The following MAP3K5 variants were observed in gnomAD, a reference collection of about 807,000 sequenced individuals.
The protein encoded by MAP3K5 is ASK-1.
MAP3K5 carries 56 observed loss-of-function variants against 158.7 expected under a neutral mutation model. That is an observed-to-expected ratio of 0.35 (90% CI 0.28 to 0.44). MAP3K5 has a LOEUF of 0.44. Ranked by LOEUF, MAP3K5 falls within the 20% of genes least tolerant of loss-of-function variation. The pLI is 1.00. For missense variants in MAP3K5, 1,294 were observed against 1,674.8 expected, an observed-to-expected ratio of 0.77 and a Z score of 3.97; for synonymous variants, 579 against 601.7, an observed-to-expected ratio of 0.96 and a Z score of 0.55.
intron 7 of MAP3K5, among the ~76,000 whole-genome samples, chr6:136,681,846 G>GA (rs1779952125): frequency 6.6e-6 from 1 of 152,202 alleles, no homozygotes. Flanking sequence ...GTGAACCTGG[G>GA]AGGCAGAGCT....
chr6:136,672,682 G>GA (rs956174093), intron 7 of MAP3K5, among the ~76,000 whole-genome samples: 2 of 151,774 alleles, frequency 1.3e-5, no homozygotes, highest in African/African-American at 4.8e-5. Flanking sequence ...ACAACCATAG[G>GA]AAAAAAGTCT....
At chr6:136,736,653 T>A (rs997543914) in intron 1 of MAP3K5, among the ~76,000 whole-genome samples, 1 of 152,098 alleles carries the variant, frequency 6.6e-6, no homozygotes, top group African/African-American at 2.4e-5. Flanking sequence ...TCCAATTGAT[T>A]AAATCTATCA....
rs141343006 is a variant in MAP3K5, at chr6:136,616,538, C to T, written c.2151-2252G>A. Among the ~76,000 whole-genome samples the T allele has an allele frequency of 2.7e-3, 417 of 152,058 alleles. 2 individuals are homozygous for T. The highest frequency in any genetic ancestry group is 9.3e-3 in the African/African-American group (385 of 41,476). ...CAGGCTAGTCTCGAACTCCTGACCA[C>T]AGATCACCTCTCCCCACCTCAGCCT... On this transcript the variant is annotated intron_variant, in intron 15 of 29. Transcript: ENST00000359015.
chr6:136,694,270 T>C lies in MAP3K5; in HGVS notation c.1123A>G (p.Met375Val), dbSNP rs1433497940. Residue 375 changes from methionine (M) to valine (V), a missense_variant, in exon 7 of 30, where the codon ATG (methionine) becomes GTG (valine). Met to Val is a conservative substitution (Grantham distance 21). This residue lies in a region of MAP3K5 where 690 missense variants were observed against 870.5 expected (regional missense o/e 0.79). Coordinates refer to ENST00000359015, the MANE Select transcript of MAP3K5 (RefSeq NM_005923.4). ...CCTTCGCTTTGCACCATGGGAATCA[T>C]AATATCAAGAGCTTTTGCTCTGTCA... The part of the protein sequence containing the change: ...PGDRAKALDI[M>V]IPMVQSEGQV... 1.2e-6 allele frequency: 2 copies of C among 1,613,204 alleles called. No homozygotes were observed. The highest frequency in any genetic ancestry group is 1.3e-5 in the African/African-American group (1 of 75,064).
intron 7 of MAP3K5, among the ~76,000 whole-genome samples, chr6:136,691,059 T>C (rs576838805): frequency 6.6e-6 from 1 of 152,312 alleles, no homozygotes; most frequent in Non-Finnish European, 1.5e-5. Flanking sequence ...TTTCCCCTGA[T>C]GTATCTTCTT....
intron 15 of MAP3K5, among the ~76,000 whole-genome samples, chr6:136,617,336 C>T (rs544399351): frequency 1.3e-4 from 20 of 152,144 alleles, no homozygotes; most frequent in Non-Finnish European, 2.4e-4. Context: ...AATCATATTT[C>T]TTCTCAATTA....
At chr6:136,618,723 T>C (rs756676235) in intron 15 of MAP3K5, among the ~76,000 whole-genome samples, 2 of 152,228 alleles carry the variant, frequency 1.3e-5, no homozygotes, top group Admixed American at 6.5e-5. Flanking sequence ...ACTTTATATA[T>C]ATTACCTAGG....
At chr6:136,589,272 G>C (rs915077381) in intron 23 of MAP3K5, among the ~76,000 whole-genome samples, 4 of 152,148 alleles carry the variant, frequency 2.6e-5, no homozygotes, top group African/African-American at 9.7e-5. Flanking sequence ...GACACAGGGA[G>C]GGAAGAAGCT....
intron 27 of MAP3K5, among the ~76,000 whole-genome samples, chr6:136,561,896 A>G (rs541520355): frequency 1.3e-5 from 2 of 152,350 alleles, no homozygotes; most frequent in South Asian, 4.1e-4. Context: ...TATCAATTTT[A>G]TGGTTTCTTA....
intron 3 of MAP3K5, among the ~76,000 whole-genome samples, chr6:136,700,053 G>A (rs1780777269): frequency 6.6e-6 from 1 of 152,084 alleles, no homozygotes; most frequent in Non-Finnish European, 1.5e-5. Flanking sequence ...CAGCCTGGGT[G>A]ACAGAGCGAG....
intron 1 of MAP3K5, among the ~76,000 whole-genome samples, chr6:136,787,653 G>C (rs1013453891): frequency 2.0e-5 from 3 of 152,114 alleles, no homozygotes; most frequent in Non-Finnish European, 4.4e-5. Flanking sequence ...ATTAAATAAG[G>C]GAATCCTAAA....
At chr6:136,603,583 G>T (rs1775976007) in intron 19 of MAP3K5, among the ~76,000 whole-genome samples, 1 of 152,144 alleles carries the variant, frequency 6.6e-6, no homozygotes, top group Admixed American at 6.5e-5. Flanking sequence ...TTGGAGCCTG[G>T]ATTCAAACAC....
chr6:136,562,467 C>A, intron 27 of MAP3K5, 36 bp downstream of exon 27: 1 of 1,105,768 alleles, frequency 9.0e-7, no homozygotes, highest in Non-Finnish European at 1.3e-6. Flanking sequence ...GGCAGCCTGG[C>A]TGAACAGTAT....
rs527493562 is a variant in MAP3K5, at chr6:136,720,471, C to G, written c.567G>C (p.Ser189=). 1.9e-6 allele frequency: 3 copies of G among 1,608,576 alleles called. No individual in the cohort carries two copies. Among genetic ancestry groups the G allele is most frequent in the East Asian group, 2.2e-5 (1 of 44,482 alleles). Residue 189 remains serine, a synonymous_variant, in exon 2 of 30, where the codon TCG becomes TCC. Transcript: ENST00000359015. ...GTACCTTCAGTGACTGCAGAGAGTC[C>G]GAGTTAGTATCACAGTAGAGGATGA... ...NNIILYCDTN[S]DSLQSLKEII...
rs193127982 is a variant in MAP3K5 at position 136,625,588 on chromosome 6, T to C, written c.2017-2607A>G. ...CAACCACAGCTGATCCTGGTGCTGTTTGAACTTCAAATTAACACTTATTAT... is the reference window on the plus strand; with the variant it reads ...CAACCACAGCTGATCCTGGTGCTGTCTGAACTTCAAATTAACACTTATTAT... On this transcript the variant is annotated intron_variant, in intron 14 of 29. Transcript: ENST00000359015. Among the ~76,000 whole-genome samples, 5 of 152,320 alleles carry C rather than the reference T, an allele frequency of 3.3e-5. No individual in the cohort carries two copies. The East Asian group carries it at 9.6e-4, about 29-fold the overall frequency.
At chr6:136,769,725 AGGAAGGGAGGAAG>A (rs1784098618) in intron 1 of MAP3K5, among the ~76,000 whole-genome samples, 1 of 132,578 alleles carries the variant, frequency 7.5e-6, no homozygotes. Context: ...TGTGCACTGA[AGGAAGGGAGGAAG>A]GGAAGGAAGG....
At chr6:136,622,534 G>C (rs954714031) in intron 15 of MAP3K5, among the ~76,000 whole-genome samples, 1 of 152,154 alleles carries the variant, frequency 6.6e-6, no homozygotes, top group African/African-American at 2.4e-5. Context: ...ACCTAGAACT[G>C]GTTCCAACCT....
At chr6:136,663,606 CTTTTTTTT>C (rs145415185) in intron 8 of MAP3K5, among the ~76,000 whole-genome samples, 3 of 121,472 alleles carry the variant, frequency 2.5e-5, no homozygotes, top group African/African-American at 1.1e-4. Context: ...AAATTTCTCA[CTTTTTTTT>C]TTTTTTTTTT....
chr6:136,683,892 C>T (rs573804559), intron 7 of MAP3K5, among the ~76,000 whole-genome samples: 119 of 152,194 alleles, frequency 7.8e-4, no homozygotes, highest in Non-Finnish European at 1.2e-3. Context: ...CAGGGCAACA[C>T]GAAATTCACT....
Sources: allele counts gnomAD v4.1 joint callset (sites outside exome capture counted in the v4.1 genomes callset), GRCh38; gene constraint gnomAD v4.1.1; regional missense constraint gnomAD v4.1.1; transcripts MANE v1.5; gene names NCBI Gene and HGNC (gene_info 2026-07-23, HGNC 2026-07-21).